The following ATP8A2 variants were observed in gnomAD, a reference collection of about 807,000 sequenced individuals.
ATP8A2 encodes ATPase phospholipid transporting 8A2.
In ATP8A2, 100 loss-of-function variants were observed where a neutral mutation model predicts 165.6. The observed-to-expected ratio is 0.60, with a 90% CI of 0.51 to 0.71. The LOEUF (loss-of-function observed/expected upper bound fraction) is 0.71, where lower values mean the gene tolerates loss of function less well. Ranked by LOEUF, ATP8A2 falls within the 30% of genes least tolerant of loss-of-function variation. The probability of loss-of-function intolerance (pLI) is 0.00; values close to 1 mark genes in which losing one functional copy is unlikely to be tolerated. For synonymous variants in ATP8A2, 543 were observed against 548.8 expected (o/e 0.99, Z 0.15); for missense variants, 1,227 against 1,479.5 (o/e 0.83, Z 2.80).
intron 25 of ATP8A2, among the ~76,000 whole-genome samples, chr13:25,734,059 AT>A (rs1318975227): frequency 1.3e-5 from 2 of 152,294 alleles, no homozygotes; most frequent in African/African-American, 4.8e-5. Flanking sequence ...TTCATGTTAC[AT>A]TTCTTCTTTT....
chr13:25,561,317 T>A (rs2039146918), intron 15 of ATP8A2, among the ~76,000 whole-genome samples: 1 of 152,154 alleles, frequency 6.6e-6, no homozygotes, highest in African/African-American at 2.4e-5. Flanking sequence ...AGATATTGAA[T>A]CTCTTGGGTT....
chr13:25,933,333 G>A (rs1021109166), intron 33 of ATP8A2, among the ~76,000 whole-genome samples: 2 of 152,182 alleles, frequency 1.3e-5, no homozygotes, highest in Non-Finnish European at 2.9e-5. Context: ...TAGCCTGGCA[G>A]TTCTGAGCAC....
chr13:25,902,946 C>CAT (rs2138957888), intron 33 of ATP8A2, among the ~76,000 whole-genome samples: 1 of 151,274 alleles, frequency 6.6e-6, no homozygotes, highest in African/African-American at 2.4e-5. Context: ...CATGCACACA[C>CAT]ACACACACAC....
At chr13:25,657,366 G>A (rs147296347) in intron 24 of ATP8A2, among the ~76,000 whole-genome samples, 5 of 152,248 alleles carry the variant, frequency 3.3e-5, no homozygotes, top group Admixed American at 6.5e-5. Context: ...TCTGTGCCCC[G>A]GGGTCCCTCT....
chr13:25,992,709 T>G (rs1314309147), intron 35 of ATP8A2, among the ~76,000 whole-genome samples: 3 of 152,064 alleles, frequency 2.0e-5, no homozygotes, highest in African/African-American at 7.2e-5. Context: ...TAATTATACT[T>G]TAAGTTTTAG....
chr13:25,713,477 T>C (rs775290896), intron 25 of ATP8A2, among the ~76,000 whole-genome samples: 1 of 152,224 alleles, frequency 6.6e-6, no homozygotes, highest in Non-Finnish European at 1.5e-5. Flanking sequence ...ACAGCTTTCA[T>C]GTAGACGTTC....
intron 1 of ATP8A2, among the ~76,000 whole-genome samples, chr13:25,415,746 G>T (rs1294653120): frequency 6.6e-6 from 1 of 152,134 alleles, no homozygotes; most frequent in Non-Finnish European, 1.5e-5. Context: ...TCAATTATCT[G>T]ATCAAATGTC....
At chr13:25,659,783 A>G (rs1384951662) in intron 24 of ATP8A2, among the ~76,000 whole-genome samples, 2 of 152,174 alleles carry the variant, frequency 1.3e-5, no homozygotes, top group Non-Finnish European at 2.9e-5. Context: ...TTCCCTTGCC[A>G]GCTTTGTGAT....
At position 25,918,299 on chromosome 13, in the gene ATP8A2, G is replaced by A. The variant is rs184021512; in HGVS notation, c.3184-43276G>A. On this transcript the variant is annotated intron_variant, in intron 33 of 36. Coordinates refer to ENST00000381655, the MANE Select transcript of ATP8A2 (RefSeq NM_016529.6). Reference sequence around the variant, plus strand: ...GGGAAGAGCATCAGTTATTAAAATAGGAAGGAGGGAAATTTGTAACAAGAA... The same window carrying A: ...GGGAAGAGCATCAGTTATTAAAATAAGAAGGAGGGAAATTTGTAACAAGAA... 1.8e-3 allele frequency among the ~76,000 whole-genome samples: 267 copies of A among 152,340 alleles called. 2 individuals carry two copies. The highest frequency in any genetic ancestry group is 6.3e-3 in the African/African-American group (260 of 41,574).
chr13:25,463,806 G>C (rs990551161), intron 1 of ATP8A2, among the ~76,000 whole-genome samples: 1 of 152,182 alleles, frequency 6.6e-6, no homozygotes, highest in South Asian at 2.1e-4. Context: ...AGAGCTGGTG[G>C]AAGGTGAGCT....
At chr13:25,787,012 G>A (rs929813254) in intron 27 of ATP8A2, among the ~76,000 whole-genome samples, 1 of 152,122 alleles carries the variant, frequency 6.6e-6, no homozygotes, top group Non-Finnish European at 1.5e-5. Flanking sequence ...CAAACTCTTG[G>A]CCTCAAGTGA....
intron 2 of ATP8A2, among the ~76,000 whole-genome samples, chr13:25,513,866 ACAAT>A (rs1469800050): frequency 1.3e-5 from 2 of 152,088 alleles, no homozygotes; most frequent in African/African-American, 4.8e-5. Flanking sequence ...CTGAGGCAGG[ACAAT>A]CAGTCAAGGA....
chr13:25,530,088 C>T lies in ATP8A2; in HGVS notation c.311C>T (p.Ala104Val). ...RAANAFFLFIALLQQIPDVSP... is the reference protein window; with the variant it reads ...RAANAFFLFIVLLQQIPDVSP... ...GCTAATGCCTTCTTTCTCTTCATTG[C>T]CTTATTACAGGTAATGGTTTTTTAA... The change falls in exon 3 of 37, where the codon GCC becomes GTC. Residue 104 changes from alanine (A) to valine (V), a missense_variant. This residue lies in a region of ATP8A2 where 356 missense variants were observed against 394.9 expected (regional missense o/e 0.90). Transcript: ENST00000381655. 1 of 1,593,078 alleles carries T rather than the reference C, an allele frequency of 6.3e-7. No homozygotes were observed. Among genetic ancestry groups the T allele is most frequent in the Non-Finnish European group, 8.6e-7 (1 of 1,162,782 alleles).
At chr13:25,447,500 C>G (rs1320021530) in intron 1 of ATP8A2, among the ~76,000 whole-genome samples, 2 of 152,124 alleles carry the variant, frequency 1.3e-5, no homozygotes, top group African/African-American at 4.8e-5. Context: ...ATGGGAAGCT[C>G]ACAGGGAGCA....
chr13:25,441,500 A>C (rs890563468), intron 1 of ATP8A2, among the ~76,000 whole-genome samples: 1 of 152,206 alleles, frequency 6.6e-6, no homozygotes, highest in Admixed American at 6.5e-5. Context: ...ACTGTGAAAT[A>C]CTTGACCGTT....
At chr13:25,479,511 T>C (rs1258309313) in intron 2 of ATP8A2, among the ~76,000 whole-genome samples, 1 of 152,200 alleles carries the variant, frequency 6.6e-6, no homozygotes, top group East Asian at 1.9e-4. Context: ...TTTATTTTTA[T>C]TGATCATTCT....
intron 2 of ATP8A2, among the ~76,000 whole-genome samples, chr13:25,526,282 T>A (rs2037837919): frequency 6.6e-6 from 1 of 152,110 alleles, no homozygotes; most frequent in African/African-American, 2.4e-5. Context: ...CATATCACCA[T>A]CTTGTTAGGG....
chr13:25,777,688 A>T (rs901140937), intron 27 of ATP8A2, among the ~76,000 whole-genome samples: 1 of 152,254 alleles, frequency 6.6e-6, no homozygotes, highest in South Asian at 2.1e-4. Context: ...GCATGCACAC[A>T]CACATTTTAT....
chr13:25,965,890 G>A (rs778650892), intron 34 of ATP8A2, among the ~76,000 whole-genome samples: 17 of 152,158 alleles, frequency 1.1e-4, no homozygotes, highest in Admixed American at 2.6e-4. Context: ...AATGGGCCTT[G>A]ATTTCTTTTA....
Sources: allele counts gnomAD v4.1 joint callset (sites outside exome capture counted in the v4.1 genomes callset), GRCh38; gene constraint gnomAD v4.1.1; regional missense constraint gnomAD v4.1.1; transcripts MANE v1.5; gene names NCBI Gene and HGNC (gene_info 2026-07-23, HGNC 2026-07-21).